LINGO2: variants seen among roughly 807,000 people sequenced by gnomAD.
LINGO2 encodes leucine rich repeat and Ig domain containing 2.
In LINGO2, 14 loss-of-function variants were observed where a neutral mutation model predicts 30.6. The ratio of observed to expected loss-of-function variants is 0.46; its 90% CI spans 0.30 to 0.72. The LOEUF is 0.72. LINGO2 is among the 30% of genes least tolerant of loss of function. LINGO2 has a pLI of 0.07. For synonymous variants in LINGO2, 317 were observed against 288.5 expected (o/e 1.10, Z -1.00); for missense variants, 729 against 751.7 (o/e 0.97, Z 0.35).
At chr9:29,065,337 T>C in the LINGO2 span, among the ~76,000 whole-genome samples, 1 of 152,166 alleles carries the variant, frequency 6.6e-6, no homozygotes, top group Non-Finnish European at 1.5e-5. Flanking sequence ...CATCATTGAA[T>C]CTTTGCCAGG....
chr9:28,027,248 A>C (rs1156440085), intron 4 of LINGO2, among the ~76,000 whole-genome samples: 11 of 152,186 alleles, frequency 7.2e-5, no homozygotes, highest in Non-Finnish European at 1.6e-4. Context: ...CTTACACTAA[A>C]GCATCCCCAT....
chr9:28,475,868 A>T (rs1825709090), intron 2 of LINGO2, 72 bp downstream of exon 4: 4 of 152,622 alleles, frequency 2.6e-5, no homozygotes, highest in Admixed American at 2.6e-4. Context: ...TTATTTATAA[A>T]CTATGCAGAC....
At chr9:28,594,462 C>A (rs948169862) in intron 1 of LINGO2, among the ~76,000 whole-genome samples, 1 of 152,062 alleles carries the variant, frequency 6.6e-6, no homozygotes, top group Non-Finnish European at 1.5e-5. Flanking sequence ...CTTGCAAATA[C>A]ACTTTACAGT....
At chr9:28,564,795 A>G (rs944884224) in intron 1 of LINGO2, among the ~76,000 whole-genome samples, 5 of 152,146 alleles carry the variant, frequency 3.3e-5, no homozygotes, top group Non-Finnish European at 7.3e-5. Flanking sequence ...AAAATTAAAA[A>G]TTCAGTTCCT....
chr9:28,463,586 C>A (rs1010348490), intron 2 of LINGO2, among the ~76,000 whole-genome samples: 7 of 151,986 alleles, frequency 4.6e-5, no homozygotes, highest in Non-Finnish European at 8.8e-5. Context: ...AAAAGGTCAT[C>A]TGAACTGCCA....
intron 1 of LINGO2, among the ~76,000 whole-genome samples, chr9:28,608,776 T>G (rs1825795064): frequency 6.6e-6 from 1 of 151,972 alleles, no homozygotes; most frequent in Non-Finnish European, 1.5e-5. Flanking sequence ...GAACCATGGA[T>G]GTAGTTCAGA....
chr9:28,831,855 A>C, the LINGO2 span, among the ~76,000 whole-genome samples: 3 of 152,208 alleles, frequency 2.0e-5, no homozygotes, highest in Non-Finnish European at 4.4e-5. Context: ...TGTATAAACA[A>C]ATAGTGAAAG....
intron 4 of LINGO2, among the ~76,000 whole-genome samples, chr9:28,236,424 C>T (rs1005442440): frequency 5.3e-5 from 8 of 151,982 alleles, no homozygotes; most frequent in South Asian, 2.1e-4. Context: ...AAGAAAAACG[C>T]GGAATAGTTT....
chr9:28,001,354 C>T (rs1821942794), intron 5 of LINGO2, among the ~76,000 whole-genome samples: 1 of 152,110 alleles, frequency 6.6e-6, no homozygotes. Context: ...ACAGAATCAT[C>T]GACTTGTAGA....
At chr9:28,202,998 A>T (rs1820290286) in intron 4 of LINGO2, among the ~76,000 whole-genome samples, 1 of 152,238 alleles carries the variant, frequency 6.6e-6, no homozygotes. Flanking sequence ...CTTAGTACAT[A>T]CTTTAGTACT....
chr9:29,181,445 G>T, the LINGO2 span, among the ~76,000 whole-genome samples: 7,270 of 152,070 alleles, frequency 0.048, 558 homozygotes, highest in African/African-American at 0.17. Flanking sequence ...GAAAAAAAAA[G>T]TTTCCAGCAT....
the LINGO2 span, among the ~76,000 whole-genome samples, chr9:28,844,728 A>C: frequency 6.6e-6 from 1 of 151,788 alleles, no homozygotes; most frequent in Non-Finnish European, 1.5e-5. Context: ...CCTTTTTAGA[A>C]AGAAGTAAAG....
At chr9:28,751,205 C>T in the LINGO2 span, among the ~76,000 whole-genome samples, 87 of 136,238 alleles carry the variant, frequency 6.4e-4, 2 homozygotes, top group African/African-American at 2.1e-3. Flanking sequence ...ATCAGAGGAT[C>T]ATTTCAGCCC....
At chr9:28,983,318 C>CAAAAAAAAAAAAAA in the LINGO2 span, among the ~76,000 whole-genome samples, 3 of 130,986 alleles carry the variant, frequency 2.3e-5, no homozygotes, top group Non-Finnish European at 1.6e-5. Context: ...ATGAGGTATC[C>CAAAAAAAAAAAAAA]AAAAAAAAAA....
At chr9:29,078,344 T>C in the LINGO2 span, among the ~76,000 whole-genome samples, 9 of 152,016 alleles carry the variant, frequency 5.9e-5, no homozygotes, top group Admixed American at 3.3e-4. Context: ...GTTTAGGAAA[T>C]GAAAATTAGC....
At position 28,481,716 on chromosome 9, in the gene LINGO2, G is replaced by T. The variant is rs568720338; in HGVS notation, c.-364-5691C>A. Among the ~76,000 whole-genome samples the T allele has an allele frequency of 3.7e-4, 56 of 152,114 alleles. 1 individual carries two copies. The South Asian group carries it at 7.1e-3, about 19-fold the overall frequency. ...TATACATGTGCATTGCTGGTGCGCT[G>T]CACCCACTAACTCATCATCTAGCAT... On this transcript the variant is annotated intron_variant, in intron 1 of 5. Transcript: ENST00000379992.
the LINGO2 span, among the ~76,000 whole-genome samples, chr9:29,159,744 G>C: frequency 6.6e-6 from 1 of 151,066 alleles, no homozygotes; most frequent in Non-Finnish European, 1.5e-5. Flanking sequence ...AGTAATCCCA[G>C]CTACTCCGGA....
chr9:29,102,663 C>T, the LINGO2 span, among the ~76,000 whole-genome samples: 1 of 152,056 alleles, frequency 6.6e-6, no homozygotes, highest in Non-Finnish European at 1.5e-5. Flanking sequence ...GGAGACCATG[C>T]TAGGGTCTGA....
chr9:28,628,457 C>T (rs573968295), intron 1 of LINGO2, among the ~76,000 whole-genome samples: 5 of 152,134 alleles, frequency 3.3e-5, no homozygotes, highest in East Asian at 1.9e-4. Flanking sequence ...TGCACTATGC[C>T]GGGTGCGTAT....
Sources: allele counts gnomAD v4.1 joint callset (sites outside exome capture counted in the v4.1 genomes callset), GRCh38; gene constraint gnomAD v4.1.1; transcripts MANE v1.5; gene names NCBI Gene and HGNC (gene_info 2026-07-23, HGNC 2026-07-21).